ADAM9: variants seen among roughly 807,000 people sequenced by gnomAD.
The protein encoded by ADAM9 is ADAM metallopeptidase domain 9, also known as disintegrin and metalloproteinase domain-containing protein 9.
ADAM9 carries 54 observed loss-of-function variants against 108.1 expected under a neutral mutation model. The observed-to-expected ratio is 0.50, with a 90% confidence interval of 0.40 to 0.63. The LOEUF (loss-of-function observed/expected upper bound fraction) is 0.63, where lower values mean the gene tolerates loss of function less well. ADAM9 is among the 20% of genes least tolerant of loss of function. The pLI, the probability that ADAM9 is intolerant of heterozygous loss-of-function variation, is 0.00. For synonymous variants in ADAM9, 316 were observed against 336.0 expected, an observed-to-expected ratio of 0.94 and a Z score of 0.65; for missense variants, 830 against 997.7, an observed-to-expected ratio of 0.83 and a Z score of 2.26.
intron 20 of ADAM9, 70 bp downstream of exon 20, chr8:39,091,416 C>T (rs2129443153): frequency 2.3e-6 from 3 of 1,301,382 alleles, no homozygotes; most frequent in Middle Eastern, 1.9e-4. Context: ...ATTAAAAACA[C>T]AGTTATATAG....
rs774434484 is a variant in ADAM9, at chr8:39,017,430, A to G, written c.606+16A>G. 1.2e-6 allele frequency: 2 copies of G among 1,609,978 alleles called. No individual in the cohort carries two copies. The highest frequency in any genetic ancestry group is 4.5e-5 in the East Asian group (2 of 44,746). ...GCTACTTCGAGTAAGGAAATAACAT[A>G]ATTCTTCATGGCTCAGACTACCATT... On this transcript the variant is annotated intron_variant, in intron 6 of 21. Transcript: ENST00000487273.
rs1184819461 is a variant in ADAM9 at position 39,045,392 on chromosome 8, G to GTACATACACCTATAGGTGTGTC, written c.1302+3279_1302+3280insTACACCTATAGGTGTGTCTACA. 2.9e-5 allele frequency among the ~76,000 whole-genome samples: 2 copies of GTACATACACCTATAGGTGTGTC among 69,124 alleles called. 1 individual carries two copies. Among genetic ancestry groups the GTACATACACCTATAGGTGTGTC allele is most frequent in the East Asian group, 1.5e-3 (2 of 1,328 alleles). The allele number at this position is 69,124 out of a possible 152,430, so 45.3% of individuals were successfully genotyped here. On this transcript the variant is annotated intron_variant, in intron 12 of 21. Transcript: ENST00000487273. ...TGTGTACATACACCTATAGGTGTGT[G>GTACATACACCTATAGGTGTGTC]TACACACACCTATATGTGCGCGTGT... is the stretch of plus-strand genomic sequence containing the variant.
intron 20 of ADAM9, among the ~76,000 whole-genome samples, 184 bp downstream of exon 20, chr8:39,091,530 C>G (rs546820612): frequency 6.6e-6 from 1 of 152,154 alleles, no homozygotes; most frequent in African/African-American, 2.4e-5. Flanking sequence ...CTCTGTTGCC[C>G]GGGGTGGAGT....
intron 12 of ADAM9, among the ~76,000 whole-genome samples, chr8:39,044,805 G>A (rs1837562559): frequency 6.6e-6 from 1 of 152,008 alleles, no homozygotes; most frequent in Admixed American, 6.5e-5. Flanking sequence ...CAGAGGACAT[G>A]ATTTCATTCT....
rs1397840591 is a variant in ADAM9, at chr8:39,077,276, T to A, written c.1746T>A (p.Pro582=). 6.2e-7 allele frequency: 1 copy of A among 1,614,066 alleles called. No homozygotes were observed. Among genetic ancestry groups the A allele is most frequent in the East Asian group, 2.2e-5 (1 of 44,898 alleles). Residue 582 remains proline (P), a synonymous_variant, in exon 16 of 22, where the codon CCT becomes CCA. Transcript: ENST00000487273. ...KLQCENVQEI[P]VFGIVPAIIQ... is the part of the protein sequence containing the mutation. Reference sequence around the variant, plus strand: ...AGTGTGAGAATGTACAAGAGATACCTGTATTTGGAATTGTGCCTGCTATTA... The same window carrying A: ...AGTGTGAGAATGTACAAGAGATACCAGTATTTGGAATTGTGCCTGCTATTA...
intron 1 of ADAM9, among the ~76,000 whole-genome samples, chr8:39,000,093 C>T (rs184867313): frequency 5.6e-4 from 84 of 149,170 alleles, no homozygotes; most frequent in African/African-American, 2.0e-3. Flanking sequence ...GGCACGATCT[C>T]GGCCCACTGC....
At chr8:39,099,661 A>T (rs1231595997) in intron 20 of ADAM9, among the ~76,000 whole-genome samples, 2 of 152,130 alleles carry the variant, frequency 1.3e-5, no homozygotes, top group African/African-American at 4.8e-5. Context: ...AAAGATTAAA[A>T]TTTTTTTAAA....
chr8:39,051,277 C>A lies in ADAM9; in HGVS notation c.1303-3204C>A, dbSNP rs184943285. 1.0e-3 allele frequency among the ~76,000 whole-genome samples: 157 copies of A among 152,294 alleles called. 1 individual carries two copies. Among genetic ancestry groups the A allele is most frequent in the Admixed American group, 2.9e-3 (45 of 15,294 alleles). On this transcript the variant is annotated intron_variant, in intron 12 of 21. Coordinates refer to ENST00000487273, the MANE Select transcript of ADAM9 (RefSeq NM_003816.3). ...ATGCTGAGAGCTGTTTCCTCCTGAT[C>A]TTATATGACGCGTCATGAGTTGGGA...
chr8:39,045,517 CATAT>C (rs1290112521), intron 12 of ADAM9, among the ~76,000 whole-genome samples: 1 of 68,842 alleles, frequency 1.5e-5, no homozygotes, highest in African/African-American at 5.1e-5. Context: ...TGTGTACATA[CATAT>C]ATATGTGCAT....
At chr8:39,092,586 A>G (rs1839390886) in intron 20 of ADAM9, among the ~76,000 whole-genome samples, 1 of 152,046 alleles carries the variant, frequency 6.6e-6, no homozygotes, top group Non-Finnish European at 1.5e-5. Flanking sequence ...AAAATTTGCC[A>G]TTTTAACCAT....
intron 16 of ADAM9, among the ~76,000 whole-genome samples, chr8:39,080,955 T>TG (rs1288106171): frequency 1.3e-4 from 19 of 148,512 alleles, no homozygotes; most frequent in Non-Finnish European, 4.5e-5. Context: ...AGAGTTTTTT[T>TG]TTTTTTTTTT....
chr8:39,033,718 G>T (rs1387003996), intron 11 of ADAM9, among the ~76,000 whole-genome samples: 1 of 151,944 alleles, frequency 6.6e-6, no homozygotes, highest in Non-Finnish European at 1.5e-5. Context: ...TACGTCAATT[G>T]TAATCTGAAA....
intron 11 of ADAM9, among the ~76,000 whole-genome samples, chr8:39,040,153 G>A (rs921227164): frequency 4.6e-5 from 7 of 152,076 alleles, no homozygotes; most frequent in Admixed American, 1.3e-4. Flanking sequence ...AGGTTCAAGC[G>A]ATTCTCCTAC....
At chr8:39,006,374 G>T (rs1414109293) in intron 1 of ADAM9, among the ~76,000 whole-genome samples, 1 of 151,736 alleles carries the variant, frequency 6.6e-6, no homozygotes, top group African/African-American at 2.4e-5. Context: ...TCCCAAACCA[G>T]ACAAAATTAT....
chr8:39,080,086 G>T (rs1838973111), intron 16 of ADAM9, among the ~76,000 whole-genome samples: 1 of 151,898 alleles, frequency 6.6e-6, no homozygotes, highest in Admixed American at 6.5e-5. Flanking sequence ...TCCTCTTGCA[G>T]TATTACACAA....
At chr8:39,015,780 T>C (rs1588335538) in intron 4 of ADAM9, 2 of 207,604 alleles carry the variant, frequency 9.6e-6, no homozygotes, top group Non-Finnish European at 2.0e-5. Context: ...GTCAACTGGC[T>C]TTTGTTGGTT....
chr8:39,071,465 CTTTTTTTTTT>C (rs34398586), intron 15 of ADAM9, 62 bp downstream of exon 15: 20 of 590,560 alleles, frequency 3.4e-5, no homozygotes, highest in Non-Finnish European at 4.9e-5. Flanking sequence ...TCTCTAGTAT[CTTTTTTTTTT>C]TTTTTTTTTT....
chr8:39,028,865 G>A (rs768069173), intron 11 of ADAM9, among the ~76,000 whole-genome samples: 11 of 152,084 alleles, frequency 7.2e-5, no homozygotes, highest in African/African-American at 1.2e-4. Flanking sequence ...ACGGAGGGTG[G>A]TGAAACAACA....
intron 11 of ADAM9, among the ~76,000 whole-genome samples, chr8:39,029,820 G>T (rs529658966): frequency 3.5e-4 from 53 of 152,262 alleles, no homozygotes; most frequent in African/African-American, 1.2e-3. Context: ...TGTTGCTAGG[G>T]ATATTGACTT....
Sources: allele counts gnomAD v4.1 joint callset (sites outside exome capture counted in the v4.1 genomes callset), GRCh38; gene constraint gnomAD v4.1.1; transcripts MANE v1.5; gene names NCBI Gene and HGNC (gene_info 2026-07-23, HGNC 2026-07-21).